Variants in PDIA5 observed in about 807,000 individuals in gnomAD.
The protein encoded by PDIA5 is protein disulfide-isomerase A5.
In PDIA5, 58 loss-of-function variants were observed where a neutral mutation model predicts 77.6. The ratio of observed to expected loss-of-function variants is 0.75; its 90% confidence interval spans 0.61 to 0.93. The LOEUF (loss-of-function observed/expected upper bound fraction) is 0.93. Ranked by LOEUF, PDIA5 falls within the 40% of genes least tolerant of loss-of-function variation. The pLI, the probability that PDIA5 is intolerant of heterozygous loss-of-function variation, is 0.00. For synonymous variants in PDIA5, 250 were observed against 252.1 expected (o/e 0.99, Z 0.08); for missense variants, 630 against 647.7 (o/e 0.97, Z 0.30).
At chr3:123,147,499 T>G (rs1935797584) in intron 13 of PDIA5, among the ~76,000 whole-genome samples, 1 of 152,174 alleles carries the variant, frequency 6.6e-6, no homozygotes, top group Non-Finnish European at 1.5e-5. Context: ...GAGACTCTTT[T>G]ATTCAGGAAG....
rs1311656851 is a variant in PDIA5 at position 123,116,382 on chromosome 3, G to C, written c.609+84G>C. ...GGTGCCAGGGGTGGGGTGGGGACAG[G>C]TTTTGAAATGGTGAGGATGACTGAC... On this transcript the variant is annotated intron_variant, in intron 8 of 16. Coordinates refer to ENST00000316218, the MANE Select transcript of PDIA5 (RefSeq NM_006810.4). The C allele has an allele frequency of 5.6e-5, 58 of 1,030,920 alleles. 1 individual carries two copies. The highest frequency in any genetic ancestry group is 1.5e-6 in the Non-Finnish European group (1 of 666,616). 63.9% of individuals were successfully genotyped at this position (1,030,920 alleles called of 1,614,324 possible). A position where few individuals can be genotyped will look rare whatever the true frequency, so the allele number is the denominator to read the frequency against.
At chr3:123,119,098 A>T (rs760798728) in intron 8 of PDIA5, among the ~76,000 whole-genome samples, 1 of 152,124 alleles carries the variant, frequency 6.6e-6, no homozygotes, top group Admixed American at 6.5e-5. Context: ...AAAAAATTTT[A>T]AAAATTAGCT....
rs529799363 is a variant in PDIA5 at position 123,161,863 on chromosome 3, C to G, written c.1480-17C>G. 7 of 1,505,464 alleles carry G rather than the reference C, an allele frequency of 4.6e-6. No homozygotes were observed. Among genetic ancestry groups the G allele is most frequent in the Middle Eastern group, 1.7e-4 (1 of 5,880 alleles). 93.3% of individuals were successfully genotyped at this position (1,505,464 alleles called of 1,614,324 possible). Reference sequence around the variant, plus strand: ...ATTAAAGCTCTTTCTCTCTCTCTCTCTCCCACTTCCCTGCAGGAATTGGGA... The same window carrying G: ...ATTAAAGCTCTTTCTCTCTCTCTCTGTCCCACTTCCCTGCAGGAATTGGGA... On this transcript the variant is annotated splice_polypyrimidine_tract_variant and intron_variant, in intron 16 of 16. Coordinates refer to ENST00000316218, the MANE Select transcript of PDIA5 (RefSeq NM_006810.4).
chr3:123,138,216 G>T (rs933543732), intron 11 of PDIA5, among the ~76,000 whole-genome samples: 9 of 152,062 alleles, frequency 5.9e-5, no homozygotes, highest in Admixed American at 6.5e-5. Context: ...AAAGTTCTAG[G>T]ATTATAAGCA....
chr3:123,083,567 C>G (rs1934065242), intron 1 of PDIA5, among the ~76,000 whole-genome samples: 1 of 152,294 alleles, frequency 6.6e-6, no homozygotes, highest in African/African-American at 2.4e-5. Context: ...GAGCGATTGA[C>G]TTCGAATGTA....
At chr3:123,155,126 AG>A in intron 15 of PDIA5, 85 bp downstream of exon 15, 2 of 953,712 alleles carry the variant, frequency 2.1e-6, no homozygotes, top group East Asian at 4.8e-5. Context: ...TTCCCCAAAC[AG>A]GGGCAGGTCT....
chr3:123,088,045 CTT>C (rs1934186589), intron 1 of PDIA5, among the ~76,000 whole-genome samples: 2 of 152,172 alleles, frequency 1.3e-5, no homozygotes, highest in African/African-American at 2.4e-5. Context: ...AGTTTGTAGA[CTT>C]TCTTTGAATC....
At chr3:123,146,478 C>T (rs571675124) in intron 13 of PDIA5, among the ~76,000 whole-genome samples, 3 of 152,352 alleles carry the variant, frequency 2.0e-5, no homozygotes, top group East Asian at 1.9e-4. Flanking sequence ...GCAGCTTCAT[C>T]GACGCACTAA....
intron 10 of PDIA5, among the ~76,000 whole-genome samples, chr3:123,125,667 A>G (rs1289440605): frequency 6.6e-6 from 1 of 152,202 alleles, no homozygotes; most frequent in East Asian, 1.9e-4. Flanking sequence ...ACCAGGAAAA[A>G]AATGCACATG....
intron 13 of PDIA5, among the ~76,000 whole-genome samples, chr3:123,148,821 G>T (rs905647892): frequency 1.3e-5 from 2 of 152,228 alleles, no homozygotes; most frequent in African/African-American, 2.4e-5. Context: ...ACTTGGAGGG[G>T]ATCCTTCAGG....
intron 1 of PDIA5, among the ~76,000 whole-genome samples, chr3:123,070,036 G>A (rs1190573584): frequency 6.6e-6 from 1 of 150,792 alleles, no homozygotes; most frequent in Non-Finnish European, 1.5e-5. Flanking sequence ...GGTGCAGTGG[G>A]CTGAGATCGC....
chr3:123,139,801 A>G (rs1333179172), intron 11 of PDIA5, among the ~76,000 whole-genome samples: 3 of 152,198 alleles, frequency 2.0e-5, no homozygotes, highest in African/African-American at 7.2e-5. Flanking sequence ...CTAACAAGTC[A>G]TGAGGCTAAT....
chr3:123,123,736 G>C (rs1935172027), intron 8 of PDIA5, among the ~76,000 whole-genome samples: 1 of 152,268 alleles, frequency 6.6e-6, no homozygotes, highest in South Asian at 2.1e-4. Context: ...CCCTCTCTGA[G>C]AGTAATGTGA....
At chr3:123,097,424 T>C (rs1291429525) in intron 3 of PDIA5, among the ~76,000 whole-genome samples, 2 of 152,146 alleles carry the variant, frequency 1.3e-5, no homozygotes, top group Non-Finnish European at 2.9e-5. Flanking sequence ...CTAACTGTAC[T>C]GTGTAATCCA....
intron 7 of PDIA5, among the ~76,000 whole-genome samples, chr3:123,115,646 T>A (rs779734650): frequency 6.6e-6 from 1 of 152,234 alleles, no homozygotes; most frequent in Non-Finnish European, 1.5e-5. Context: ...GGCATCCCGA[T>A]TCCTGGCCTG....
chr3:123,156,409 C>G (rs1046573384), intron 15 of PDIA5, among the ~76,000 whole-genome samples: 8 of 152,240 alleles, frequency 5.3e-5, no homozygotes, highest in Non-Finnish European at 1.2e-4. Context: ...GCCCCTTTCC[C>G]TGCACTGAGT....
At chr3:123,098,979 G>A (rs1056608594) in intron 3 of PDIA5, among the ~76,000 whole-genome samples, 5 of 152,198 alleles carry the variant, frequency 3.3e-5, no homozygotes, top group Non-Finnish European at 7.3e-5. Flanking sequence ...TCTGAGCTTA[G>A]GTAATTTTCT....
At chr3:123,080,021 T>C (rs1346607932) in intron 1 of PDIA5, among the ~76,000 whole-genome samples, 1 of 152,208 alleles carries the variant, frequency 6.6e-6, no homozygotes, top group East Asian at 1.9e-4. Context: ...ACTCTGGGAA[T>C]CACTGAGGTG....
At chr3:123,132,042 G>A (rs1187714890) in intron 11 of PDIA5, among the ~76,000 whole-genome samples, 1 of 152,174 alleles carries the variant, frequency 6.6e-6, no homozygotes, top group East Asian at 1.9e-4. Context: ...GCCAACAGTT[G>A]TGTGTCACCC....
Sources: gnomAD v4.1 joint callset for allele counts (sites outside exome capture counted in the v4.1 genomes callset) on GRCh38, gnomAD v4.1.1 for gene constraint, MANE v1.5 for transcripts, NCBI Gene and HGNC (gene_info 2026-07-23, HGNC 2026-07-21) for gene names.